The following PCDHGB5 variants were observed in gnomAD, a reference collection of about 807,000 sequenced individuals.
The protein encoded by PCDHGB5 is protocadherin gamma-B5.
In PCDHGB5, 48 loss-of-function variants were observed where a neutral mutation model predicts 62.9. The observed-to-expected ratio is 0.76, with a 90% CI of 0.61 to 0.97. The LOEUF (loss-of-function observed/expected upper bound fraction) is 0.97, where lower values mean the gene tolerates loss of function less well. Ranked by LOEUF, PCDHGB5 falls within the 50% of genes least tolerant of loss-of-function variation. The pLI is 0.00. For synonymous variants in PCDHGB5, 474 were observed against 511.2 expected (o/e 0.93, Z 0.98); for missense variants, 1,118 against 1,198.6 (o/e 0.93, Z 0.99).
At position 141,485,833 on chromosome 5, in the gene PCDHGB5, G is replaced by A. The variant is rs780944737; in HGVS notation, c.2398-8974G>A. 64 of 1,613,904 alleles carry A rather than the reference G, an allele frequency of 4.0e-5. No homozygotes were observed. Among genetic ancestry groups the A allele is most frequent in the Non-Finnish European group, 2.5e-6 (3 of 1,180,004 alleles). On this transcript the variant is annotated intron_variant, in intron 1 of 3. Coordinates refer to ENST00000617380, the MANE Select transcript of PCDHGB5 (RefSeq NM_018925.3). This position sits in a 1 kb window ranked among gnomAD's most constrained non-coding sequence, Gnocchi z 5.7. Reference sequence around the variant, plus strand: ...TGACTGCTGTCGATGGAGGGAACCCGCCGAGATCTGGCACCGCAGAGCTCC... The same window carrying A: ...TGACTGCTGTCGATGGAGGGAACCCACCGAGATCTGGCACCGCAGAGCTCC...
rs992592523 is a variant in PCDHGB5 at position 141,432,710 on chromosome 5, C to T, written c.2397+32186C>T. ...CGTAGTGGCCGTCCAGGACCACGGC[C>T]AGCCCCCTCTCTCCGCCACTGTCAC... On this transcript the variant is annotated intron_variant, in intron 1 of 3. Coordinates refer to ENST00000617380, the MANE Select transcript of PCDHGB5 (RefSeq NM_018925.3). This position sits in a 1 kb window ranked among gnomAD's most constrained non-coding sequence, Gnocchi z 6.0. The T allele has an allele frequency of 6.2e-7, 1 of 1,613,884 alleles. No homozygotes were observed.
rs539620413 is a variant in PCDHGB5, at chr5:141,488,489, G to GT, written c.2398-6317dup. Among the ~76,000 whole-genome samples the GT allele has an allele frequency of 1.6e-4, 25 of 152,268 alleles. No homozygotes were observed. In the South Asian group the frequency reaches 4.6e-3, roughly 28 times the overall value. On this transcript the variant is annotated intron_variant, in intron 1 of 3. Transcript: ENST00000617380. ...AGAAATGTTCCCCTACCCAAAAACT[G>GT]TAACACTCATTCCACATTTGGGGTC...
At chr5:141,470,059 G>A (rs1206799372) in intron 1 of PCDHGB5, among the ~76,000 whole-genome samples, 6 of 152,186 alleles carry the variant, frequency 3.9e-5, no homozygotes, top group African/African-American at 1.4e-4. Context: ...AACCCCGGAG[G>A]CAGAGACTGT....
At chr5:141,414,100 G>A (rs1293589634) in intron 1 of PCDHGB5, 2 of 1,593,288 alleles carry the variant, frequency 1.3e-6, no homozygotes. Context: ...AAAAATATCA[G>A]AAAATCTAGA....
At position 141,482,865 on chromosome 5, in the gene PCDHGB5, A is replaced by G. The variant is rs557581796; in HGVS notation, c.2398-11942A>G. ...GGTGGGCAGATCACTTGAGGTCAGG[A>G]GTTTGAAACCAGCCTGGCCAACATG... On this transcript the variant is annotated intron_variant, in intron 1 of 3. Coordinates refer to ENST00000617380, the MANE Select transcript of PCDHGB5 (RefSeq NM_018925.3). Among the ~76,000 whole-genome samples, 66 of 152,206 alleles carry G rather than the reference A, an allele frequency of 4.3e-4. 1 individual carries two copies. Among genetic ancestry groups the G allele is most frequent in the African/African-American group, 1.5e-3 (61 of 41,516 alleles).
chr5:141,474,551 C>G (rs1032524620), intron 1 of PCDHGB5, among the ~76,000 whole-genome samples: 35 of 152,312 alleles, frequency 2.3e-4, no homozygotes, highest in Non-Finnish European at 3.5e-4. Flanking sequence ...GCATTTAAAA[C>G]TGGGGGTTTT....
chr5:141,472,769 T>C (rs2154571402), intron 1 of PCDHGB5, among the ~76,000 whole-genome samples: 1 of 151,816 alleles, frequency 6.6e-6, no homozygotes, highest in South Asian at 2.1e-4. Context: ...GCAGATCACC[T>C]GAGGTTGGGA....
rs770354956 is a variant in PCDHGB5, at chr5:141,399,731, C to T, written c.1604C>T (p.Ser535Leu). Reference sequence around the variant, plus strand: ...ACACTACAGGCCCGCGACCAGGGCTCGCCTGCGCTCAGCGCAAACGTGAGC... The same window carrying T: ...ACACTACAGGCCCGCGACCAGGGCTTGCCTGCGCTCAGCGCAAACGTGAGC... ...ELTLQARDQG[S>L]PALSANVSLR... is the part of the protein sequence containing the mutation. The change falls in exon 1 of 4, where the codon TCG (serine) becomes TTG (leucine). Residue 535 changes from serine to leucine, a missense_variant. Transcript: ENST00000617380. 229 of 1,613,292 alleles carry T rather than the reference C, an allele frequency of 1.4e-4. No homozygotes were observed. The highest frequency in any genetic ancestry group is 1.8e-4 in the Non-Finnish European group (217 of 1,179,878).
intron 1 of PCDHGB5, chr5:141,404,037 A>T: frequency 6.2e-7 from 1 of 1,613,888 alleles, no homozygotes; most frequent in East Asian, 2.2e-5. Context: ...GACGCACCTC[A>T]GGGAACAGTA....
Position 141,490,293 on chromosome 5 carries a change from A to G in PCDHGB5, c.2398-4514A>G, listed in dbSNP as rs1316965652. On this transcript the variant is annotated intron_variant, in intron 1 of 3. Transcript: ENST00000617380. The surrounding 1 kb of genome is among the most constrained non-coding windows in gnomAD (Gnocchi z 5.4). ...TCAATGACAATGCCCCAGAGGTGCTATTGGCCTCTTTGGCCAACCCTGTCC... is the reference window on the plus strand; with the variant it reads ...TCAATGACAATGCCCCAGAGGTGCTGTTGGCCTCTTTGGCCAACCCTGTCC... The G allele has an allele frequency of 1.2e-6, 2 of 1,614,190 alleles. No individual in the cohort carries two copies. The highest frequency in any genetic ancestry group is 8.5e-7 in the Non-Finnish European group (1 of 1,180,028).
intron 2 of PCDHGB5, 91 bp from the exon 3 acceptor site, chr5:141,505,302 G>T: frequency 6.3e-7 from 1 of 1,592,714 alleles, no homozygotes; most frequent in Non-Finnish European, 8.5e-7. Context: ...TAGGGTTAGG[G>T]TACTAGGTTT....
Position 141,491,733 on chromosome 5 carries a change from TG to T in PCDHGB5, c.2398-3069del. 6.2e-7 allele frequency: 1 copy of T among 1,602,698 alleles called. No individual in the cohort carries two copies. Among genetic ancestry groups the T allele is most frequent in the Non-Finnish European group, 8.5e-7 (1 of 1,175,258 alleles). On this transcript the variant is annotated intron_variant, in intron 1 of 3. Coordinates refer to ENST00000617380, the MANE Select transcript of PCDHGB5 (RefSeq NM_018925.3). This position sits in a 1 kb window ranked among gnomAD's most constrained non-coding sequence, Gnocchi z 6.9. ...GCTCGGCGCCGCCCCGGGCGACCCC[TG>T]GGGGCGGCACTGGAGAAGCCGCCCG...
chr5:141,465,257 T>C (rs968727090), intron 1 of PCDHGB5, among the ~76,000 whole-genome samples: 19 of 152,310 alleles, frequency 1.2e-4, no homozygotes, highest in Admixed American at 1.2e-3. Flanking sequence ...TTGTAAGCAA[T>C]GATACTAGCC....
At chr5:141,439,780 T>G (rs1023743000) in intron 1 of PCDHGB5, 1 of 152,228 alleles carries the variant, frequency 6.6e-6, no homozygotes, top group African/African-American at 2.4e-5. Context: ...TGGCTGGAGA[T>G]TCTATAATCC....
Position 141,400,503 on chromosome 5 carries a change from G to T in PCDHGB5, c.2376G>T (p.Glu792Asp). Residue 792 changes from glutamate to aspartate, a missense_variant, in exon 1 of 4, where the codon GAG (glutamate) becomes GAT (aspartate). By Grantham distance (45) the Glu-to-Asp change is conservative. Transcript: ENST00000617380. Reference sequence around the variant, plus strand: ...TATTTCCACTTTGTAATTCCAGCGAGTCGACTTCCCATCCTGAGTTGGTGA... The same window carrying T: ...TATTTCCACTTTGTAATTCCAGCGATTCGACTTCCCATCCTGAGTTGGTGA... Reference protein sequence around the residue: ...GALFPLCNSSESTSHPELQAP... With the variant: ...GALFPLCNSSDSTSHPELQAP... The T allele has an allele frequency of 6.2e-7, 1 of 1,614,022 alleles. No homozygotes were observed. Among genetic ancestry groups the T allele is most frequent in the Non-Finnish European group, 8.5e-7 (1 of 1,179,876 alleles).
rs753702657 is a variant in PCDHGB5 at position 141,415,195 on chromosome 5, C to G, written c.2397+14671C>G. ...CGTGGCCGTGGCCGACAGCATCCCC[C>G]AAGTCCTGGCGGACCTCGGCAGCTT... On this transcript the variant is annotated intron_variant, in intron 1 of 3. Transcript: ENST00000617380. 5 of 1,614,058 alleles carry G rather than the reference C, an allele frequency of 3.1e-6. No individual in the cohort carries two copies. The highest frequency in any genetic ancestry group is 1.1e-5 in the South Asian group (1 of 91,090).
intron 1 of PCDHGB5, chr5:141,423,640 T>C: frequency 6.3e-7 from 1 of 1,597,848 alleles, no homozygotes; most frequent in Non-Finnish European, 8.5e-7. Flanking sequence ...TTTAGGCAAA[T>C]GTGACCCGAC....
chr5:141,481,895 A>G (rs1285005477), intron 1 of PCDHGB5, among the ~76,000 whole-genome samples: 2 of 147,522 alleles, frequency 1.4e-5, no homozygotes, highest in Non-Finnish European at 3.0e-5. Context: ...GCCTGGGTGA[A>G]AGAGCGAAAC....
chr5:141,456,884 A>G (rs1448469695), intron 1 of PCDHGB5, among the ~76,000 whole-genome samples: 1 of 151,974 alleles, frequency 6.6e-6, no homozygotes, highest in East Asian at 1.9e-4. Flanking sequence ...AATCGCTTGA[A>G]CCCGGGAGGC....
Sources: gnomAD v4.1 joint callset for allele counts (sites outside exome capture counted in the v4.1 genomes callset) on GRCh38, gnomAD v4.1.1 for gene constraint, Gnocchi (gnomAD v3.1) non-coding constraint, MANE v1.5 for transcripts, NCBI Gene and HGNC (gene_info 2026-07-23, HGNC 2026-07-21) for gene names.